The following GALK2 variants were observed in gnomAD, a reference collection of about 807,000 sequenced individuals.
GALK2 encodes galactokinase 2.
In GALK2, 36 loss-of-function variants were observed where a neutral mutation model predicts 52.4. The observed-to-expected ratio is 0.69, with a 90% CI of 0.53 to 0.91. The LOEUF (loss-of-function observed/expected upper bound fraction) is 0.91, where lower values mean the gene tolerates loss of function less well. Among genes scored for constraint, GALK2 ranks in the 40% least tolerant of loss-of-function variants. The pLI, the probability that GALK2 is intolerant of heterozygous loss-of-function variation, is 0.00. For synonymous variants in GALK2, 176 were observed against 199.1 expected (o/e 0.88, Z 0.98); for missense variants, 579 against 559.1 (o/e 1.04, Z -0.36).
chr15:49,201,078 GTGTGTGTGTATGTA>G, intron 1 of GALK2, 70 bp from the exon 2 acceptor site: 2 of 676,504 alleles, frequency 3.0e-6, no homozygotes, highest in Admixed American at 2.1e-5. Context: ...GTGTGTGTGT[GTGTGTGTGTATGTA>G]TGTGTGTGTA....
At chr15:49,228,674 T>C (rs1167468261) in intron 3 of GALK2, among the ~76,000 whole-genome samples, 3 of 13,152 alleles carry the variant, frequency 2.3e-4, no homozygotes, top group African/African-American at 6.0e-4. Flanking sequence ...TATATATATA[T>C]ATATATATAT....
rs28609425 is a variant in GALK2 at position 49,321,909 on chromosome 15, T to C, written c.1169+2104T>C. On this transcript the variant is annotated intron_variant, in intron 9 of 9. Coordinates refer to ENST00000560031, the MANE Select transcript of GALK2 (RefSeq NM_002044.4). ...CATTTGAACATTAAGCAAAGTCATG[T>C]TGAGCAGGAACGTAATGTGTAGAGT... 2.9e-3 allele frequency among the ~76,000 whole-genome samples: 437 copies of C among 152,344 alleles called. 4 individuals carry two copies. Among genetic ancestry groups the C allele is most frequent in the African/African-American group, 0.01 (425 of 41,582 alleles).
intron 5 of GALK2, among the ~76,000 whole-genome samples, chr15:49,241,227 A>G (rs2141512628): frequency 6.6e-6 from 1 of 152,270 alleles, no homozygotes; most frequent in East Asian, 1.9e-4. Flanking sequence ...GGAGATCTGG[A>G]CTTGAGATGG....
chr15:49,239,276 T>A lies in GALK2; in HGVS notation c.413T>A (p.Ile138Asn), dbSNP rs1357391824. The A allele has an allele frequency of 6.2e-7, 1 of 1,613,994 alleles. No homozygotes were observed. The highest frequency in any genetic ancestry group is 2.2e-5 in the East Asian group (1 of 44,874). ...TGMNCLVDGN[I>N]PPSSGLSSSS... ...ATGAACTGCCTGGTAGATGGAAATA[T>A]CCCACCAAGTTCTGGCCTCTCCAGC... is the stretch of plus-strand genomic sequence containing the variant. The change falls in exon 5 of 10, where the codon ATC becomes AAC. Residue 138 changes from isoleucine (I) to asparagine (N), a missense_variant. Coordinates refer to ENST00000560031, the MANE Select transcript of GALK2 (RefSeq NM_002044.4).
intron 9 of GALK2, among the ~76,000 whole-genome samples, chr15:49,320,704 A>G (rs1028771843): frequency 6.6e-5 from 10 of 152,252 alleles, no homozygotes; most frequent in African/African-American, 2.4e-4. Flanking sequence ...CAGCTTGTCA[A>G]AAGACTTGAA....
intron 7 of GALK2, 96 bp downstream of exon 7, chr15:49,283,814 G>A (rs2033035014): frequency 7.8e-7 from 1 of 1,285,998 alleles, no homozygotes; most frequent in African/African-American, 1.5e-5. Flanking sequence ...CCAAATTTTA[G>A]GGCAACATTC....
chr15:49,194,967 TG>T (rs1187098703), intron 1 of GALK2: 1 of 353,632 alleles, frequency 2.8e-6, no homozygotes, highest in Non-Finnish European at 5.5e-6. Context: ...TGGTATTTTT[TG>T]GGAGATTTAG....
At chr15:49,261,616 T>C (rs987029708) in intron 5 of GALK2, among the ~76,000 whole-genome samples, 8 of 150,608 alleles carry the variant, frequency 5.3e-5, no homozygotes, top group Admixed American at 5.3e-4. Context: ...TGAATAGGAG[T>C]GGTGAGAGAG....
intron 1 of GALK2, among the ~76,000 whole-genome samples, chr15:49,158,664 A>C (rs1266166444): frequency 1.3e-5 from 2 of 152,242 alleles, no homozygotes; most frequent in Non-Finnish European, 2.9e-5. Flanking sequence ...GCAGAATTCA[A>C]AATAAAGAAA....
At chr15:49,174,717 C>T (rs2085327583) in intron 1 of GALK2, among the ~76,000 whole-genome samples, 1 of 151,808 alleles carries the variant, frequency 6.6e-6, no homozygotes, top group Non-Finnish European at 1.5e-5. Flanking sequence ...TAATAGAAAC[C>T]ATTTATTCTA....
intron 8 of GALK2, among the ~76,000 whole-genome samples, chr15:49,302,054 CA>C (rs2035161642): frequency 6.6e-6 from 1 of 152,188 alleles, no homozygotes; most frequent in South Asian, 2.1e-4. Context: ...GATGAAGAAA[CA>C]GAGGTGAGAG....
intron 3 of GALK2, among the ~76,000 whole-genome samples, chr15:49,223,958 G>C (rs1416304669): frequency 6.6e-6 from 1 of 151,860 alleles, no homozygotes; most frequent in African/African-American, 2.4e-5. Context: ...GTTCTGTGAG[G>C]AAACTCCAAA....
intron 7 of GALK2, among the ~76,000 whole-genome samples, chr15:49,292,068 G>T (rs2033991361): frequency 6.6e-6 from 1 of 152,062 alleles, no homozygotes; most frequent in African/African-American, 2.4e-5. Flanking sequence ...ATCAGTGAGA[G>T]ATTAGTTGTG....
At chr15:49,367,422 T>C (rs2045393647) in intron 3 of GALK2, 4 of 1,512,772 alleles carry the variant, frequency 2.6e-6, no homozygotes, top group Middle Eastern at 3.8e-4. Flanking sequence ...AGAAATTATA[T>C]TAAAGCAAAG....
chr15:49,302,932 A>T (rs1417322764), intron 8 of GALK2, among the ~76,000 whole-genome samples: 1 of 152,260 alleles, frequency 6.6e-6, no homozygotes, highest in African/African-American at 2.4e-5. Flanking sequence ...GTATAAAAGA[A>T]TAAATCAAAT....
At chr15:49,250,001 C>T (rs1464984913) in intron 5 of GALK2, among the ~76,000 whole-genome samples, 1 of 152,104 alleles carries the variant, frequency 6.6e-6, no homozygotes, top group South Asian at 2.1e-4. Context: ...TGTGAGGTCC[C>T]GTACTAGCCA....
chr15:49,363,758 G>T (rs1334808843), intron 3 of GALK2, among the ~76,000 whole-genome samples: 3 of 152,100 alleles, frequency 2.0e-5, no homozygotes, highest in African/African-American at 7.2e-5. Flanking sequence ...GTTTGTCATA[G>T]ATGGCTCTTA....
At chr15:49,365,320 C>G in intron 3 of GALK2, 1 of 1,567,918 alleles carries the variant, frequency 6.4e-7, no homozygotes, top group Non-Finnish European at 8.8e-7. Flanking sequence ...TCATCAGCAC[C>G]AGAACAACAA....
intron 1 of GALK2, chr15:49,158,833 G>A (rs1301775374): frequency 6.6e-6 from 1 of 152,040 alleles, no homozygotes; most frequent in Non-Finnish European, 1.5e-5. Context: ...ATATTTGGTT[G>A]TTTATATTTA....
Sources: gnomAD v4.1 joint callset for allele counts (sites outside exome capture counted in the v4.1 genomes callset) on GRCh38, gnomAD v4.1.1 for gene constraint, MANE v1.5 for transcripts, NCBI Gene and HGNC (gene_info 2026-07-23, HGNC 2026-07-21) for gene names.